The following EPS15 variants were observed in gnomAD, a reference collection of about 807,000 sequenced individuals.
The protein encoded by EPS15 is epidermal growth factor receptor substrate 15.
In EPS15, 72 loss-of-function variants were observed where a neutral mutation model predicts 113.8. That is an observed-to-expected ratio of 0.63 (90% confidence interval 0.52 to 0.77). The LOEUF is 0.77. Ranked by LOEUF, EPS15 falls within the 30% of genes least tolerant of loss-of-function variation. EPS15 has a pLI of 0.00. For synonymous variants in EPS15, 344 were observed against 363.4 expected, an observed-to-expected ratio of 0.95 and a Z score of 0.61; for missense variants, 1,048 against 1,045.8, an observed-to-expected ratio of 1.00 and a Z score of -0.03.
At chr1:51,495,845 C>G (rs907127918) in intron 1 of EPS15, among the ~76,000 whole-genome samples, 1 of 152,084 alleles carries the variant, frequency 6.6e-6, no homozygotes, top group Non-Finnish European at 1.5e-5. Context: ...GTGACATGGA[C>G]TAGTCCAAGG....
chr1:51,479,675 T>C (rs759162311), intron 2 of EPS15, among the ~76,000 whole-genome samples: 5 of 152,256 alleles, frequency 3.3e-5, no homozygotes, highest in Non-Finnish European at 5.9e-5. Context: ...AGTTATTACA[T>C]GGGTTCAATA....
intron 21 of EPS15, chr1:51,372,822 C>T (rs922526485): frequency 6.6e-5 from 33 of 496,416 alleles, no homozygotes; most frequent in Admixed American, 9.9e-5. Flanking sequence ...CAGTCTTTAC[C>T]AGCTGATCAC....
intron 13 of EPS15, among the ~76,000 whole-genome samples, chr1:51,415,732 G>A (rs144171008): frequency 1.5e-3 from 199 of 136,814 alleles, no homozygotes; most frequent in African/African-American, 5.3e-3. Context: ...GGAGGCAGAG[G>A]TTGCAGTGAG....
chr1:51,465,701 T>G (rs1327597226), intron 5 of EPS15, among the ~76,000 whole-genome samples: 1 of 152,100 alleles, frequency 6.6e-6, no homozygotes, highest in Non-Finnish European at 1.5e-5. Flanking sequence ...CCCAGCTAAT[T>G]TTTGTATTTT....
intron 24 of EPS15, among the ~76,000 whole-genome samples, chr1:51,357,376 GAAA>G (rs56655497): frequency 0.031 from 1,022 of 33,034 alleles, 17 homozygotes; most frequent in Middle Eastern, 0.059. Context: ...GATTCCATCT[GAAA>G]AAAAAAAAAA....
chr1:51,454,391 G>A (rs912537374), intron 8 of EPS15, among the ~76,000 whole-genome samples: 5 of 152,126 alleles, frequency 3.3e-5, no homozygotes, highest in African/African-American at 1.2e-4. Flanking sequence ...GTAGGAAAAG[G>A]GAAAAAGTAA....
chr1:51,408,264 T>G lies in EPS15; in HGVS notation c.1344A>C (p.Ala448=), dbSNP rs769991045. The G allele has an allele frequency of 1.2e-6, 2 of 1,613,998 alleles. No individual in the cohort carries two copies. Among genetic ancestry groups the G allele is most frequent in the Non-Finnish European group, 1.7e-6 (2 of 1,179,834 alleles). The change falls in exon 15 of 25, where the codon GCA becomes GCC. Residue 448 remains alanine, a synonymous_variant. Coordinates refer to ENST00000371733, the MANE Select transcript of EPS15 (RefSeq NM_001981.3). ...GACGGCTCAGCTCTTCTCTAGCTTT[T>G]GCCAATTCTTCTTCGTAAGTGGAGA... ...SQISTYEEEL[A]KAREELSRLQ... is the part of the protein sequence containing the mutation.
intron 1 of EPS15, among the ~76,000 whole-genome samples, chr1:51,494,952 T>C (rs1484379559): frequency 5.9e-5 from 9 of 152,352 alleles, no homozygotes; most frequent in Non-Finnish European, 7.3e-5. Flanking sequence ...TAACAATCAG[T>C]AACCTCAATT....
chr1:51,378,047 C>A (rs1383638131), intron 21 of EPS15, among the ~76,000 whole-genome samples: 1 of 152,078 alleles, frequency 6.6e-6, no homozygotes, highest in Admixed American at 6.5e-5. Flanking sequence ...AGGCACCCGC[C>A]ACCACGCCTG....
rs981873639 is a variant in EPS15, at chr1:51,408,345, A to C, written c.1276-13T>G. On this transcript the variant is annotated splice_polypyrimidine_tract_variant and intron_variant, in intron 14 of 24. Coordinates refer to ENST00000371733, the MANE Select transcript of EPS15 (RefSeq NM_001981.3). ...TCAGAGAAGAGATCTATAATGTGAA[A>C]GTGAATGAGAAGAAATGGGGATTAA... 1.9e-6 allele frequency: 3 copies of C among 1,574,950 alleles called. No homozygotes were observed. Among genetic ancestry groups the C allele is most frequent in the Non-Finnish European group, 2.6e-6 (3 of 1,144,604 alleles).
At chr1:51,491,892 T>C (rs1644240931) in intron 1 of EPS15, among the ~76,000 whole-genome samples, 2 of 148,504 alleles carry the variant, frequency 1.3e-5, no homozygotes, top group Non-Finnish European at 3.0e-5. Flanking sequence ...AGACAGAGTG[T>C]TGCCCAGTCT....
intron 21 of EPS15, among the ~76,000 whole-genome samples, chr1:51,366,744 A>G (rs1043768890): frequency 6.6e-6 from 1 of 152,242 alleles, no homozygotes; most frequent in Admixed American, 6.5e-5. Flanking sequence ...CCTTCAAGAC[A>G]TATTTCAAAT....
intron 20 of EPS15, among the ~76,000 whole-genome samples, chr1:51,397,718 C>CA (rs1400598334): frequency 6.6e-6 from 1 of 152,026 alleles, no homozygotes; most frequent in East Asian, 1.9e-4. Context: ...TTACTGAATA[C>CA]AAAAAAGAAG....
Position 51,463,715 on chromosome 1 carries a change from T to C in EPS15, c.459A>G (p.Pro153=). ...CAGGTAACTTAGAGTTGAGCAACAC[T>C]GGTTTCACTTTATCACCAGACAGAA... ...NGFLSGDKVK[P]VLLNSKLPVD... is the part of the protein sequence containing the mutation. The change falls in exon 7 of 25, where the codon CCA becomes CCG. Residue 153 remains proline (P), a synonymous_variant. Transcript: ENST00000371733. 6.2e-7 allele frequency: 1 copy of C among 1,600,882 alleles called. No homozygotes were observed.
chr1:51,372,651 G>A (rs1646685863), intron 21 of EPS15: 1 of 443,632 alleles, frequency 2.3e-6, no homozygotes, highest in Admixed American at 2.6e-5. Context: ...AAAGGATCTG[G>A]GGCTGCCCAC....
At chr1:51,368,110 C>T (rs1430885906) in intron 21 of EPS15, among the ~76,000 whole-genome samples, 4 of 151,772 alleles carry the variant, frequency 2.6e-5, no homozygotes, top group South Asian at 2.1e-4. Context: ...CCAGCCTGGG[C>T]GACAGAGCAA....
intron 1 of EPS15, among the ~76,000 whole-genome samples, chr1:51,506,817 T>G (rs969114516): frequency 6.3e-5 from 9 of 143,214 alleles, no homozygotes; most frequent in African/African-American, 2.4e-4. Flanking sequence ...CAGAACAGAA[T>G]GTAGAGAACA....
intron 1 of EPS15, among the ~76,000 whole-genome samples, chr1:51,490,792 C>T (rs920352941): frequency 2.6e-5 from 4 of 152,012 alleles, no homozygotes; most frequent in African/African-American, 9.7e-5. Flanking sequence ...TACATGAACC[C>T]ACACATAATA....
At chr1:51,462,000 C>T (rs1191956273) in intron 7 of EPS15, 1 of 152,104 alleles carries the variant, frequency 6.6e-6, no homozygotes, top group Non-Finnish European at 1.5e-5. Flanking sequence ...AATGACTTGC[C>T]CAAGGTCACA....
Sources: gnomAD v4.1 joint callset for allele counts (sites outside exome capture counted in the v4.1 genomes callset) on GRCh38, gnomAD v4.1.1 for gene constraint, MANE v1.5 for transcripts, NCBI Gene and HGNC (gene_info 2026-07-23, HGNC 2026-07-21) for gene names.